Variants in GRIK1 observed in about 807,000 individuals in gnomAD.
GRIK1 encodes the protein glutamate ionotropic receptor kainate type subunit 1.
Under a neutral mutation model 105.7 loss-of-function variants are expected in GRIK1, and 69 were observed. The observed-to-expected ratio is 0.65, with a 90% CI of 0.54 to 0.80. The LOEUF is 0.80. GRIK1 is among the 30% of genes least tolerant of loss of function. The pLI, the probability that GRIK1 is intolerant of heterozygous loss-of-function variation, is 0.00. For missense variants in GRIK1, 1,109 were observed against 1,167.3 expected (o/e 0.95, Z 0.73); for synonymous variants, 438 against 431.3 (o/e 1.02, Z -0.19).
rs533349685 is a variant in GRIK1 at position 29,628,420 on chromosome 21, C to G, written c.1098+14406G>C. On this transcript the variant is annotated intron_variant, in intron 7 of 17. Transcript: ENST00000327783. ...TTGCAATAACAGCTTGCATGGATCA[C>G]TGCATAATTTAAAAATATAATAGCT... 2.6e-5 allele frequency among the ~76,000 whole-genome samples: 4 copies of G among 152,334 alleles called. No homozygotes were observed. In the South Asian group the frequency reaches 8.3e-4, roughly 32 times the overall value.
chr21:29,777,722 C>T (rs936350485), intron 1 of GRIK1, among the ~76,000 whole-genome samples: 2 of 152,118 alleles, frequency 1.3e-5, no homozygotes, highest in African/African-American at 2.4e-5. Flanking sequence ...AGGGATAACA[C>T]GATCTGATCC....
intron 1 of GRIK1, among the ~76,000 whole-genome samples, chr21:29,756,162 A>G (rs1048569461): frequency 4.6e-5 from 7 of 152,046 alleles, no homozygotes; most frequent in Non-Finnish European, 8.8e-5. Flanking sequence ...CGGGCGGATC[A>G]CAAAGTCAGG....
chr21:29,559,788 G>A (rs966903718), intron 15 of GRIK1, among the ~76,000 whole-genome samples: 8 of 151,866 alleles, frequency 5.3e-5, no homozygotes, highest in African/African-American at 1.9e-4. Flanking sequence ...AAAAACATTA[G>A]GACAATTCAC....
Position 29,689,838 on chromosome 21 carries a change from A to C in GRIK1, c.434T>G (p.Leu145Trp). The C allele has an allele frequency of 6.2e-7, 1 of 1,614,108 alleles. No individual in the cohort carries two copies. The highest frequency in any genetic ancestry group is 8.5e-7 in the Non-Finnish European group (1 of 1,179,964). Reference protein sequence around the residue: ...WKHPSVDNKDLFYINLYPDYA... With the variant: ...WKHPSVDNKDWFYINLYPDYA... Reference sequence around the variant, plus strand: ...ATCTGGGTAAAGGTTGATGTAAAACAAATCTTTGTTGTCCACCGAGGGGTG... The same window carrying C: ...ATCTGGGTAAAGGTTGATGTAAAACCAATCTTTGTTGTCCACCGAGGGGTG... The change falls in exon 3 of 18, where the codon TTG becomes TGG. Residue 145 changes from leucine to tryptophan, a missense_variant. By Grantham distance (61) the Leu-to-Trp change is moderately conservative (BLOSUM62 -2). This residue lies in a region of GRIK1 where 612 missense variants were observed against 586.0 expected (regional missense o/e 1.04). Coordinates refer to ENST00000327783, the MANE Select transcript of GRIK1 (RefSeq NM_001330994.2).
At chr21:29,620,812 T>TAGATAGATAG (rs1277538736) in intron 7 of GRIK1, among the ~76,000 whole-genome samples, 2 of 117,500 alleles carry the variant, frequency 1.7e-5, no homozygotes, top group African/African-American at 4.1e-5. Flanking sequence ...TATAGATATA[T>TAGATAGATAG]ATATATAGTA....
At chr21:29,583,120 C>T (rs2091058060) in intron 12 of GRIK1, among the ~76,000 whole-genome samples, 1 of 152,082 alleles carries the variant, frequency 6.6e-6, no homozygotes, top group Admixed American at 6.6e-5. Context: ...TAATGGAATC[C>T]GACTCATTAC....
chr21:29,559,289 T>C (rs969787450), intron 15 of GRIK1, among the ~76,000 whole-genome samples: 15 of 152,154 alleles, frequency 9.9e-5, no homozygotes, highest in African/African-American at 3.6e-4. Context: ...TCTCCCACTT[T>C]TATTATCTAA....
chr21:29,892,645 T>C (rs28481567), intron 1 of GRIK1, among the ~76,000 whole-genome samples: 2,558 of 152,280 alleles, frequency 0.017, 62 homozygotes, highest in African/African-American at 0.059. Flanking sequence ...AGAAACGCTA[T>C]TGGGACAGGA....
chr21:29,798,162 C>T (rs562960879), intron 1 of GRIK1, among the ~76,000 whole-genome samples: 4 of 152,262 alleles, frequency 2.6e-5, no homozygotes, highest in Admixed American at 2.0e-4. Context: ...TTATAATATA[C>T]TTGGCTGTCT....
intron 1 of GRIK1, among the ~76,000 whole-genome samples, chr21:29,817,475 T>C (rs441168): frequency 0.2 from 29,852 of 152,016 alleles, 3,066 homozygotes; most frequent in Middle Eastern, 0.28. Flanking sequence ...TTGCAAGAGG[T>C]AGAACATACT....
At chr21:29,768,334 C>T (rs938202436) in intron 1 of GRIK1, among the ~76,000 whole-genome samples, 25 of 152,072 alleles carry the variant, frequency 1.6e-4, no homozygotes, top group Admixed American at 1.4e-3. Flanking sequence ...AAAAGTGGAA[C>T]CTGAGGCCAA....
chr21:29,920,299 T>C (rs1265902201), intron 1 of GRIK1, among the ~76,000 whole-genome samples: 1 of 152,126 alleles, frequency 6.6e-6, no homozygotes, highest in Non-Finnish European at 1.5e-5. Context: ...CTACTATATG[T>C]ACACACACAG....
At chr21:29,928,550 T>C (rs912723954) in intron 1 of GRIK1, among the ~76,000 whole-genome samples, 2 of 152,192 alleles carry the variant, frequency 1.3e-5, no homozygotes, top group Non-Finnish European at 2.9e-5. Context: ...AGGATATACT[T>C]AGACAGAAAG....
chr21:29,537,644 G>A (rs1046692338), intron 17 of GRIK1, 154 bp downstream of exon 17: 19 of 725,160 alleles, frequency 2.6e-5, no homozygotes, highest in Non-Finnish European at 4.5e-5. Context: ...CCCAGTTAAA[G>A]CAAACTCAGG....
intron 7 of GRIK1, among the ~76,000 whole-genome samples, chr21:29,620,795 A>C (rs963248971): frequency 1.8e-5 from 2 of 109,066 alleles, no homozygotes; most frequent in South Asian, 5.4e-4. Flanking sequence ...ATATATATCT[A>C]TATATATATA....
Position 29,581,504 on chromosome 21 carries a change from G to A in GRIK1, c.1833C>T (p.Asn611=), listed in dbSNP as rs773127520. The change falls in exon 13 of 18, where the codon AAC becomes AAT. Residue 611 remains asparagine (N), a synonymous_variant. Transcript: ENST00000327783. ...TGTTTTCCACCACGTCTGAGTCAGG[G>A]TTGCATGGGTGGGGGTTATACCACT... ...PYEWYNPHPC[N]PDSDVVENNF... 6.2e-7 allele frequency: 1 copy of A among 1,612,408 alleles called. No homozygotes were observed. The highest frequency in any genetic ancestry group is 1.1e-5 in the South Asian group (1 of 91,032).
At chr21:29,770,298 A>T (rs978413193) in intron 1 of GRIK1, among the ~76,000 whole-genome samples, 13 of 152,176 alleles carry the variant, frequency 8.5e-5, no homozygotes, top group African/African-American at 3.1e-4. Context: ...TATGTTAGTA[A>T]ATGCCCCAAT....
intron 1 of GRIK1, among the ~76,000 whole-genome samples, chr21:29,929,569 G>A (rs115824296): frequency 7.9e-5 from 12 of 152,020 alleles, no homozygotes; most frequent in African/African-American, 2.4e-4. Flanking sequence ...TTCTTCTTAC[G>A]GATCATATTT....
intron 1 of GRIK1, among the ~76,000 whole-genome samples, chr21:29,848,398 C>T (rs1355989412): frequency 3.3e-5 from 5 of 152,198 alleles, no homozygotes; most frequent in Admixed American, 6.5e-5. Flanking sequence ...CCTGTGCTTC[C>T]GGCCTCATGG....
Sources: gnomAD v4.1 joint callset for allele counts (sites outside exome capture counted in the v4.1 genomes callset) on GRCh38, gnomAD v4.1.1 for gene constraint, gnomAD v4.1.1 regional missense constraint, MANE v1.5 for transcripts, NCBI Gene and HGNC (gene_info 2026-07-23, HGNC 2026-07-21) for gene names.